Variants in ASIC2 observed in about 807,000 individuals in gnomAD.
ASIC2 encodes the protein acid-sensing ion channel 2.
In ASIC2, 25 loss-of-function variants were observed where a neutral mutation model predicts 57.3. The observed-to-expected ratio is 0.44, with a 90% CI of 0.32 to 0.61. The LOEUF (loss-of-function observed/expected upper bound fraction) is 0.61. ASIC2 is among the 20% of genes least tolerant of loss of function. ASIC2 has a pLI of 0.06. For synonymous variants in ASIC2, 319 were observed against 307.5 expected, an observed-to-expected ratio of 1.04 and a Z score of -0.39; for missense variants, 641 against 738.1, an observed-to-expected ratio of 0.87 and a Z score of 1.52.
At chr17:33,988,684 T>C (rs763331005) in intron 1 of ASIC2, among the ~76,000 whole-genome samples, 7 of 152,012 alleles carry the variant, frequency 4.6e-5, no homozygotes, top group Non-Finnish European at 8.8e-5. Context: ...TTTTGGTTAG[T>C]TTTTGCCTCT....
chr17:33,271,917 C>A (rs1452362827), intron 1 of ASIC2, among the ~76,000 whole-genome samples: 1 of 152,234 alleles, frequency 6.6e-6, no homozygotes, highest in African/African-American at 2.4e-5. Context: ...TTGGCCTGCA[C>A]CTACTATCCA....
intron 1 of ASIC2, among the ~76,000 whole-genome samples, chr17:33,563,350 G>A (rs1487905854): frequency 1.3e-5 from 2 of 152,176 alleles, no homozygotes; most frequent in African/African-American, 4.8e-5. Flanking sequence ...GGATGAAACT[G>A]AAGCCTAGAA....
chr17:33,803,936 C>G (rs925485899), intron 1 of ASIC2, among the ~76,000 whole-genome samples: 2 of 152,138 alleles, frequency 1.3e-5, no homozygotes, highest in African/African-American at 4.8e-5. Context: ...ATTTCCTCAG[C>G]TTTAATAGCC....
Position 33,663,070 on chromosome 17 carries a change from C to T in ASIC2, c.555+492908G>A, listed in dbSNP as rs553711224. ...ATGCGCCTGCACGCACACACACTGA[C>T]GGAGAACTCAATGCACGAGAGACAT... On this transcript the variant is annotated intron_variant, in intron 1 of 9. Transcript: ENST00000359872. 1.2e-4 allele frequency among the ~76,000 whole-genome samples: 19 copies of T among 152,294 alleles called. No individual in the cohort carries two copies. In the East Asian group the frequency reaches 1.9e-3, roughly 15 times the overall value.
chr17:33,633,877 C>T (rs142486154), intron 1 of ASIC2, among the ~76,000 whole-genome samples: 6 of 152,198 alleles, frequency 3.9e-5, no homozygotes, highest in African/African-American at 1.4e-4. Context: ...GAGACCCTGC[C>T]TCTTCATGAC....
intron 1 of ASIC2, among the ~76,000 whole-genome samples, chr17:33,683,256 TG>T (rs1017112934): frequency 8.5e-5 from 13 of 152,154 alleles, no homozygotes; most frequent in African/African-American, 3.1e-4. Flanking sequence ...TTAGTAGAGA[TG>T]GGGTTTCACC....
intron 1 of ASIC2, among the ~76,000 whole-genome samples, chr17:34,152,329 T>C (rs538467536): frequency 2.3e-4 from 35 of 152,358 alleles, no homozygotes; most frequent in African/African-American, 8.2e-4. Flanking sequence ...TGGAGTCAGA[T>C]GACCCCTAAC....
At chr17:33,307,714 G>A (rs1325083267) in intron 1 of ASIC2, among the ~76,000 whole-genome samples, 1 of 152,184 alleles carries the variant, frequency 6.6e-6, no homozygotes, top group African/African-American at 2.4e-5. Flanking sequence ...TCCATTGCAA[G>A]CTGGTGGGGG....
chr17:33,558,352 T>C (rs183465106), intron 1 of ASIC2, among the ~76,000 whole-genome samples: 2 of 152,358 alleles, frequency 1.3e-5, no homozygotes, highest in East Asian at 3.9e-4. Context: ...TTATGTTATC[T>C]TCCTCTGAAG....
intron 1 of ASIC2, among the ~76,000 whole-genome samples, chr17:33,776,991 G>T (rs1200165555): frequency 6.6e-6 from 1 of 152,048 alleles, no homozygotes. Flanking sequence ...CCCCTTCCGA[G>T]CCCTGCGATG....
chr17:33,537,378 A>G (rs771131596), intron 1 of ASIC2, among the ~76,000 whole-genome samples: 2 of 152,150 alleles, frequency 1.3e-5, no homozygotes, highest in Non-Finnish European at 2.9e-5. Flanking sequence ...TGAGCTATCT[A>G]AAATAGTCAC....
chr17:33,941,760 C>T (rs1417668845), intron 1 of ASIC2, among the ~76,000 whole-genome samples: 1 of 152,088 alleles, frequency 6.6e-6, no homozygotes, highest in Non-Finnish European at 1.5e-5. Context: ...GGAGGGGATC[C>T]CCTGTGCTTC....
At chr17:33,024,428 A>T (rs16568) in intron 5 of ASIC2, among the ~76,000 whole-genome samples, 55,377 of 151,990 alleles carry the variant, frequency 0.36, 10,726 homozygotes, top group Admixed American at 0.53. Context: ...GCTCCCTCAT[A>T]GCCAGTGCCC....
chr17:33,052,600 T>C (rs1191631932), intron 3 of ASIC2: 1 of 152,162 alleles, frequency 6.6e-6, no homozygotes, highest in African/African-American at 2.4e-5. Context: ...GACAGGATGA[T>C]GGATACAGCC....
intron 1 of ASIC2, among the ~76,000 whole-genome samples, chr17:33,845,574 A>G (rs71379416): frequency 0.025 from 3,853 of 152,092 alleles, 184 homozygotes; most frequent in African/African-American, 0.089. Context: ...CTAAGTCTCA[A>G]TTTTCCAAGT....
intron 1 of ASIC2, among the ~76,000 whole-genome samples, chr17:33,344,666 C>A (rs1907873891): frequency 6.6e-6 from 1 of 152,122 alleles, no homozygotes; most frequent in South Asian, 2.1e-4. Context: ...GTTCACAGGG[C>A]TTCCTTGTTT....
At chr17:33,283,438 C>T (rs1035694624) in intron 1 of ASIC2, among the ~76,000 whole-genome samples, 3 of 152,176 alleles carry the variant, frequency 2.0e-5, no homozygotes, top group South Asian at 2.1e-4. Context: ...CCTAGTAACC[C>T]GGACATGCTC....
At chr17:33,829,050 A>G (rs1258730995) in intron 1 of ASIC2, among the ~76,000 whole-genome samples, 1 of 152,208 alleles carries the variant, frequency 6.6e-6, no homozygotes, top group Non-Finnish European at 1.5e-5. Context: ...CTTAAAGCCA[A>G]AATGAACTAC....
At chr17:33,833,453 A>G (rs749348422) in intron 1 of ASIC2, among the ~76,000 whole-genome samples, 6 of 152,092 alleles carry the variant, frequency 3.9e-5, no homozygotes, top group South Asian at 2.1e-4. Flanking sequence ...CGGGGAGCAG[A>G]TAGTATACGC....
Sources: gnomAD v4.1 joint callset for allele counts (sites outside exome capture counted in the v4.1 genomes callset) on GRCh38, gnomAD v4.1.1 for gene constraint, MANE v1.5 for transcripts, NCBI Gene and HGNC (gene_info 2026-07-23, HGNC 2026-07-21) for gene names.